LMLN: variants seen among roughly 807,000 people sequenced by gnomAD.
The protein encoded by LMLN is leishmanolysin like peptidase.
A neutral mutation model predicts 92.3 loss-of-function variants in LMLN; 70 were observed. The observed-to-expected ratio is 0.76, with a 90% CI of 0.63 to 0.92. The LOEUF is 0.92. Among genes scored for constraint, LMLN ranks in the 40% least tolerant of loss-of-function variants. The probability of loss-of-function intolerance (pLI) is 0.00; values close to 1 mark genes in which losing one functional copy is unlikely to be tolerated. For missense variants in LMLN, 691 were observed against 814.6 expected, an observed-to-expected ratio of 0.85 and a Z score of 1.85; for synonymous variants, 308 against 296.2, an observed-to-expected ratio of 1.04 and a Z score of -0.41.
At chr3:197,963,838 G>C (rs1009672779) in intron 1 of LMLN, among the ~76,000 whole-genome samples, 3 of 152,186 alleles carry the variant, frequency 2.0e-5, no homozygotes, top group Non-Finnish European at 4.4e-5. Context: ...GAGATAGCAC[G>C]CCTCCTTGCC....
At chr3:197,969,436 T>G (rs1347920000) in intron 1 of LMLN, among the ~76,000 whole-genome samples, 1 of 152,242 alleles carries the variant, frequency 6.6e-6, no homozygotes, top group African/African-American at 2.4e-5. Flanking sequence ...TATTTTCTAA[T>G]TTCCCTTGTA....
chr3:198,026,960 A>G (rs1722949527), intron 14 of LMLN, among the ~76,000 whole-genome samples: 2 of 152,138 alleles, frequency 1.3e-5, no homozygotes, highest in African/African-American at 4.8e-5. Context: ...ATGTATGTAT[A>G]TGTATCAGTA....
intron 1 of LMLN, among the ~76,000 whole-genome samples, chr3:197,966,107 A>G (rs1721052039): frequency 6.6e-6 from 1 of 152,150 alleles, no homozygotes; most frequent in African/African-American, 2.4e-5. Flanking sequence ...CAGTGACACA[A>G]TCTTGGCTCA....
intron 9 of LMLN, among the ~76,000 whole-genome samples, chr3:197,995,099 T>A (rs763369640): frequency 6.6e-6 from 1 of 152,202 alleles, no homozygotes; most frequent in Non-Finnish European, 1.5e-5. Flanking sequence ...CCCCCTCCTC[T>A]TCCTCCTGCT....
At position 198,000,824 on chromosome 3, in the gene LMLN, T is replaced by A. The variant is rs562676825; in HGVS notation, c.1232+1482T>A. ...TGTGAGTGCCAACTAAGTATGAGCA[T>A]CATATAAAAACCTGAGCTAAGGCTT... On this transcript the variant is annotated intron_variant, in intron 11 of 15. Coordinates refer to ENST00000330198, the Ensembl canonical transcript of LMLN. Among the ~76,000 whole-genome samples the A allele has an allele frequency of 1.3e-4, 20 of 152,360 alleles. No individual in the cohort carries two copies. In the East Asian group the frequency reaches 2.7e-3, roughly 21 times the overall value.
chr3:197,993,747 A>G (rs1348842670), intron 9 of LMLN, among the ~76,000 whole-genome samples: 1 of 152,166 alleles, frequency 6.6e-6, no homozygotes, highest in Non-Finnish European at 1.5e-5. Context: ...TCAAGTTCAT[A>G]TGGAACCACA....
chr3:197,973,232 C>CA (rs1485191905), intron 1 of LMLN, among the ~76,000 whole-genome samples: 5 of 151,530 alleles, frequency 3.3e-5, no homozygotes, highest in East Asian at 3.9e-4. Flanking sequence ...TTGCTGTGCT[C>CA]AGACATTTCT....
intron 7 of LMLN, among the ~76,000 whole-genome samples, chr3:197,984,323 G>A (rs1384307978): frequency 1.3e-5 from 2 of 152,012 alleles, no homozygotes; most frequent in African/African-American, 4.8e-5. Context: ...AGCCGAGATT[G>A]TGCCACTGCA....
At chr3:197,987,739 A>G (rs1054759391) in intron 8 of LMLN, among the ~76,000 whole-genome samples, 2 of 152,264 alleles carry the variant, frequency 1.3e-5, no homozygotes, top group Admixed American at 1.3e-4. Context: ...AAATTTTAAT[A>G]GAAACTGCCA....
intron 9 of LMLN, among the ~76,000 whole-genome samples, chr3:197,993,790 C>T (rs1560143054): frequency 2.0e-5 from 3 of 152,116 alleles, no homozygotes; most frequent in African/African-American, 7.2e-5. Flanking sequence ...ATAGCCAAAA[C>T]AATCATGAGC....
At chr3:197,999,511 A>G (rs1722114513) in intron 11 of LMLN, 169 bp downstream of exon 11, 2 of 596,296 alleles carry the variant, frequency 3.4e-6, no homozygotes, top group Non-Finnish European at 5.9e-6. Context: ...CCATTCATTC[A>G]TTCGTTCATT....
At chr3:197,969,207 A>G (rs1721155347) in intron 1 of LMLN, among the ~76,000 whole-genome samples, 1 of 151,920 alleles carries the variant, frequency 6.6e-6, no homozygotes, top group African/African-American at 2.4e-5. Context: ...TTAGCCTCCC[A>G]AAGTGCTGGG....
chr3:198,038,748 C>A, exon 16 of LMLN: 1 of 1,041,692 alleles, frequency 9.6e-7, no homozygotes, highest in Non-Finnish European at 1.5e-6. Flanking sequence ...GAGTGCCAAC[C>A]TATGCAGATG....
intron 8 of LMLN, among the ~76,000 whole-genome samples, chr3:197,987,449 G>A (rs112616917): frequency 0.065 from 9,816 of 152,124 alleles, 373 homozygotes; most frequent in African/African-American, 0.1. Flanking sequence ...GTGAGCCACC[G>A]CGCCCGGCCA....
chr3:197,969,770 C>T (rs1163988195), intron 1 of LMLN, among the ~76,000 whole-genome samples: 1 of 152,128 alleles, frequency 6.6e-6, no homozygotes, highest in East Asian at 1.9e-4. Flanking sequence ...ACATTTTCAA[C>T]AGCATAATTT....
intron 1 of LMLN, among the ~76,000 whole-genome samples, chr3:197,960,713 C>G (rs934687201): frequency 1.3e-5 from 2 of 152,156 alleles, no homozygotes; most frequent in African/African-American, 4.8e-5. Flanking sequence ...ATCACAGTCA[C>G]CCGACGCACA....
intron 12 of LMLN, among the ~76,000 whole-genome samples, chr3:198,020,839 T>G (rs916806562): frequency 1.4e-5 from 2 of 138,250 alleles, no homozygotes; most frequent in South Asian, 5.2e-4. Flanking sequence ...GCCGGGCTGG[T>G]CTTGAACTCC....
intron 11 of LMLN, among the ~76,000 whole-genome samples, chr3:198,017,555 T>A (rs1722674126): frequency 6.6e-6 from 1 of 152,200 alleles, no homozygotes; most frequent in Non-Finnish European, 1.5e-5. Context: ...AGCTATACTG[T>A]CTAATATGGT....
rs567448957 is a variant in LMLN at position 198,013,823 on chromosome 3, A to T, written c.1233-5430A>T. Among the ~76,000 whole-genome samples, 22 of 139,398 alleles carry T rather than the reference A, an allele frequency of 1.6e-4. 2 individuals are homozygous for T. Among genetic ancestry groups the T allele is most frequent in the African/African-American group, 6.3e-4 (21 of 33,502 alleles). 91.5% of individuals were successfully genotyped at this position (139,398 alleles called of 152,430 possible). Reference sequence around the variant, plus strand: ...CCTTCAGAGCCTCCTAACTAGTCGGACTTCTCTGTACCCTTCAGAGCCCCT... The same window carrying T: ...CCTTCAGAGCCTCCTAACTAGTCGGTCTTCTCTGTACCCTTCAGAGCCCCT... On this transcript the variant is annotated intron_variant, in intron 11 of 15. Coordinates refer to ENST00000330198, the Ensembl canonical transcript of LMLN.
Sources: allele counts gnomAD v4.1 joint callset (sites outside exome capture counted in the v4.1 genomes callset), GRCh38; gene constraint gnomAD v4.1.1; transcripts MANE v1.5; gene names NCBI Gene and HGNC (gene_info 2026-07-23, HGNC 2026-07-21).